Variants in XPNPEP3 observed in about 807,000 individuals in gnomAD.
XPNPEP3 encodes the protein xaa-Pro aminopeptidase 3.
Under a neutral mutation model 60.0 loss-of-function variants are expected in XPNPEP3, and 41 were observed. The ratio of observed to expected loss-of-function variants is 0.68; its 90% CI spans 0.53 to 0.89. The LOEUF is 0.89. Ranked by LOEUF, XPNPEP3 falls within the 40% of genes least tolerant of loss-of-function variation. XPNPEP3 has a pLI of 0.00. For missense variants in XPNPEP3, 598 were observed against 638.9 expected (o/e 0.94, Z 0.69); for synonymous variants, 212 against 223.2 (o/e 0.95, Z 0.45).
rs772905317 is a variant in XPNPEP3, at chr22:40,926,220, C to T, written c.1358-49C>T. On this transcript the variant is annotated intron_variant, in intron 9 of 9. Coordinates refer to ENST00000357137, the MANE Select transcript of XPNPEP3 (RefSeq NM_022098.4). ...AGGTTAACTTACTTGCCCCAAACCACCCAGTTACTATCATTCCTGAACAGC... is the reference window on the plus strand; with the variant it reads ...AGGTTAACTTACTTGCCCCAAACCATCCAGTTACTATCATTCCTGAACAGC... 19 of 1,610,884 alleles carry T rather than the reference C, an allele frequency of 1.2e-5. 1 individual carries two copies. The African/African-American group carries it at 1.6e-4, about 14-fold the overall frequency.
chr22:40,882,939 A>T (rs1379321655), intron 3 of XPNPEP3, among the ~76,000 whole-genome samples: 1 of 152,194 alleles, frequency 6.6e-6, no homozygotes, highest in African/African-American at 2.4e-5. Context: ...AAAGCAAAGG[A>T]TAAGCCAGAC....
intron 2 of XPNPEP3, among the ~76,000 whole-genome samples, chr22:40,869,352 T>C (rs1225141147): frequency 1.3e-5 from 2 of 152,194 alleles, no homozygotes; most frequent in African/African-American, 4.8e-5. Flanking sequence ...ACTGGTGCTT[T>C]ATTGACAATA....
chr22:40,893,896 G>A (rs544877458), intron 4 of XPNPEP3, among the ~76,000 whole-genome samples: 41 of 152,292 alleles, frequency 2.7e-4, no homozygotes, highest in Non-Finnish European at 4.7e-4. Context: ...GATTACAGGT[G>A]TAAGCCACTG....
chr22:40,861,159 G>C, intron 1 of XPNPEP3: 1 of 1,613,874 alleles, frequency 6.2e-7, no homozygotes, highest in Non-Finnish European at 8.5e-7. Context: ...GAAAATAGGG[G>C]GATCTCTGTT....
intron 4 of XPNPEP3, among the ~76,000 whole-genome samples, chr22:40,899,508 A>T (rs1202787006): frequency 6.6e-6 from 1 of 152,042 alleles, no homozygotes; most frequent in Non-Finnish European, 1.5e-5. Flanking sequence ...GCTGGGACAG[A>T]TGGATATCCA....
intron 1 of XPNPEP3, among the ~76,000 whole-genome samples, chr22:40,859,153 G>A (rs2057925469): frequency 6.6e-6 from 1 of 152,128 alleles, no homozygotes; most frequent in Non-Finnish European, 1.5e-5. Flanking sequence ...GATGAATCTT[G>A]AACTGGTATC....
intron 8 of XPNPEP3, among the ~76,000 whole-genome samples, chr22:40,922,815 A>G (rs2058221828): frequency 6.6e-6 from 1 of 152,198 alleles, no homozygotes; most frequent in Non-Finnish European, 1.5e-5. Flanking sequence ...TAAAAAGAAA[A>G]GATTTAGAAA....
chr22:40,892,265 A>G (rs2058091189), intron 4 of XPNPEP3, among the ~76,000 whole-genome samples: 2 of 151,678 alleles, frequency 1.3e-5, no homozygotes, highest in Admixed American at 1.3e-4. Context: ...GCTCACTGCA[A>G]CCTCCGCCTC....
At chr22:40,895,410 A>G (rs1190643188) in intron 4 of XPNPEP3, among the ~76,000 whole-genome samples, 1 of 151,142 alleles carries the variant, frequency 6.6e-6, no homozygotes, top group Non-Finnish European at 1.5e-5. Context: ...ATCTCGGCTC[A>G]CTGCAACCTC....
intron 4 of XPNPEP3, among the ~76,000 whole-genome samples, chr22:40,890,035 A>G (rs2146256963): frequency 6.6e-6 from 1 of 152,304 alleles, no homozygotes; most frequent in African/African-American, 2.4e-5. Context: ...TCATTAATCA[A>G]GTCTAAATAT....
chr22:40,870,267 C>A, intron 2 of XPNPEP3: 2 of 285,930 alleles, frequency 7.0e-6, no homozygotes, highest in South Asian at 2.9e-5. Flanking sequence ...TTACTGATTT[C>A]TTGTGGTGAG....
Position 40,869,001 on chromosome 22 carries a change from T to C in XPNPEP3, c.67T>C (p.Cys23Arg). The change falls in exon 2 of 10, where the codon TGT becomes CGT. Residue 23 changes from cysteine to arginine, a missense_variant and splice_region_variant. Coordinates refer to ENST00000357137, the MANE Select transcript of XPNPEP3 (RefSeq NM_022098.4). Reference sequence around the variant, plus strand: ...CATTCTCTTTATTCTTCATTCAGGATGTATGTTGTGTTCACAGCGAAGGTA... The same window carrying C: ...CATTCTCTTTATTCTTCATTCAGGACGTATGTTGTGTTCACAGCGAAGGTA... ...AVANVRGLSG[C>R]MLCSQRRYSL... The C allele has an allele frequency of 1.2e-6, 2 of 1,611,346 alleles. No individual in the cohort carries two copies. The highest frequency in any genetic ancestry group is 8.5e-7 in the Non-Finnish European group (1 of 1,177,454).
intron 4 of XPNPEP3, among the ~76,000 whole-genome samples, chr22:40,897,029 C>CTTTTTTTTTTTTTTTTTTTTTTTTTT (rs762152639): frequency 9.3e-6 from 1 of 107,690 alleles, no homozygotes. Context: ...TTTCCTTCAT[C>CTTTTTTTTTTTTTTTTTTTTTTTTTT]TTTTTTTTTT....
intron 4 of XPNPEP3, among the ~76,000 whole-genome samples, chr22:40,891,820 G>A (rs1040073424): frequency 1.3e-5 from 2 of 152,178 alleles, no homozygotes; most frequent in African/African-American, 4.8e-5. Context: ...CAGTTGCATT[G>A]TTGGAGCTGT....
Position 40,866,151 on chromosome 22 carries a change from T to C in XPNPEP3, c.65-2848T>C, listed in dbSNP as rs144538175. Among the ~76,000 whole-genome samples, 3 of 152,272 alleles carry C rather than the reference T, an allele frequency of 2.0e-5. No individual in the cohort carries two copies. The East Asian group carries it at 5.8e-4, about 29-fold the overall frequency. On this transcript the variant is annotated intron_variant, in intron 1 of 9. Transcript: ENST00000357137. ...CAAGAATTATTCTTAATTCCTCTTT[T>C]TTCTTTATTTCTTATGTCCAATTAG...
intron 4 of XPNPEP3, among the ~76,000 whole-genome samples, chr22:40,894,897 C>G (rs2058101831): frequency 6.6e-6 from 1 of 152,148 alleles, no homozygotes; most frequent in Non-Finnish European, 1.5e-5. Context: ...ACTTGTTAGA[C>G]CAATTGCAAG....
At position 40,881,674 on chromosome 22, in the gene XPNPEP3, A is replaced by G. The variant is rs2058048573; in HGVS notation, c.182-96A>G. 33 of 1,415,458 alleles carry G rather than the reference A, an allele frequency of 2.3e-5. No homozygotes were observed. The Admixed American group carries it at 5.7e-4, about 25-fold the overall frequency. The allele number at this position is 1,415,458 out of a possible 1,614,324, so 87.7% of individuals were successfully genotyped here. On this transcript the variant is annotated intron_variant, in intron 2 of 9. Coordinates refer to ENST00000357137, the MANE Select transcript of XPNPEP3 (RefSeq NM_022098.4). ...TGTGAGGAGATTTGGCATAAATTGAACAATTGGACTTGAGTATTTCCATCT... is the reference window on the plus strand; with the variant it reads ...TGTGAGGAGATTTGGCATAAATTGAGCAATTGGACTTGAGTATTTCCATCT...
intron 2 of XPNPEP3, among the ~76,000 whole-genome samples, chr22:40,877,292 T>A (rs2058031317): frequency 6.6e-6 from 1 of 152,246 alleles, no homozygotes; most frequent in Admixed American, 6.5e-5. Context: ...AATAGTTTAT[T>A]AATTACTTCC....
intron 1 of XPNPEP3, chr22:40,861,837 T>G: frequency 6.2e-7 from 1 of 1,614,060 alleles, no homozygotes. Flanking sequence ...TAATACCTCG[T>G]ATGCCTCAGC....
Sources: allele counts gnomAD v4.1 joint callset (sites outside exome capture counted in the v4.1 genomes callset), GRCh38; gene constraint gnomAD v4.1.1; transcripts MANE v1.5; gene names NCBI Gene and HGNC (gene_info 2026-07-23, HGNC 2026-07-21).